Variants in IQGAP1 observed in about 807,000 individuals in gnomAD.
IQGAP1 encodes the protein ras GTPase-activating-like protein IQGAP1.
IQGAP1 carries 66 observed loss-of-function variants against 215.6 expected under a neutral mutation model. The ratio of observed to expected loss-of-function variants is 0.31; its 90% CI spans 0.25 to 0.38. The LOEUF (loss-of-function observed/expected upper bound fraction) is 0.38, where lower values mean the gene tolerates loss of function less well. Ranked by LOEUF, IQGAP1 falls within the 10% of genes least tolerant of loss-of-function variation. The pLI is 1.00. For missense variants in IQGAP1, 1,712 were observed against 1,997.1 expected (o/e 0.86, Z 2.72); for synonymous variants, 772 against 728.7 (o/e 1.06, Z -0.96).
At chr15:90,488,501 C>A (rs1003581295) in intron 33 of IQGAP1, among the ~76,000 whole-genome samples, 2 of 151,824 alleles carry the variant, frequency 1.3e-5, no homozygotes, top group Non-Finnish European at 1.5e-5. Context: ...AATTCTGTTA[C>A]ATGCCTTGGT....
intron 2 of IQGAP1, among the ~76,000 whole-genome samples, chr15:90,418,085 T>TA (rs777359276): frequency 6.6e-5 from 10 of 152,208 alleles, no homozygotes; most frequent in Non-Finnish European, 1.2e-4. Context: ...GCATAACTGT[T>TA]ACCAGAGAGT....
intron 3 of IQGAP1, among the ~76,000 whole-genome samples, chr15:90,428,587 C>G (rs1387433181): frequency 6.6e-6 from 1 of 151,914 alleles, no homozygotes; most frequent in African/African-American, 2.4e-5. Context: ...TGAGATCAGC[C>G]TGGGCAACAA....
intron 2 of IQGAP1, among the ~76,000 whole-genome samples, chr15:90,423,234 G>A (rs1052661757): frequency 2.0e-5 from 3 of 151,990 alleles, no homozygotes; most frequent in African/African-American, 7.3e-5. Context: ...AAGCAGTTTG[G>A]TCCTGATTTG....
intron 30 of IQGAP1, among the ~76,000 whole-genome samples, chr15:90,485,376 A>G (rs1377077677): frequency 6.6e-6 from 1 of 152,196 alleles, no homozygotes; most frequent in Non-Finnish European, 1.5e-5. Flanking sequence ...GCAGTAGGGT[A>G]CATTGATGAC....
In IQGAP1 at chr15:90,500,229, C is replaced by A. The variant is rs1966324622; in HGVS notation, c.*121C>A. On this transcript the variant is annotated 3_prime_UTR_variant, in exon 38 of 38. Transcript: ENST00000268182. Reference sequence around the variant, plus strand: ...CCAACAACAGCACCTCAATCTGATACACTCCCGATGCCACATTTTTAACTC... The same window carrying A: ...CCAACAACAGCACCTCAATCTGATAAACTCCCGATGCCACATTTTTAACTC... The A allele has an allele frequency of 2.6e-5, 16 of 626,574 alleles. 1 individual carries two copies. In the South Asian group the frequency reaches 2.6e-4, roughly 10 times the overall value. 38.8% of individuals were successfully genotyped at this position (626,574 alleles called of 1,614,324 possible). A position where few individuals can be genotyped will look rare whatever the true frequency, so the allele number is the denominator to read the frequency against.
In IQGAP1 at chr15:90,447,784, A is replaced by G. The variant is rs1196680142; in HGVS notation, c.914-789A>G. 1.3e-5 allele frequency among the ~76,000 whole-genome samples: 2 copies of G among 152,168 alleles called. 1 individual carries two copies. The highest frequency in any genetic ancestry group is 4.8e-5 in the African/African-American group (2 of 41,432). On this transcript the variant is annotated intron_variant, in intron 9 of 37. Coordinates refer to ENST00000268182, the MANE Select transcript of IQGAP1 (RefSeq NM_003870.4). ...TATGATTTTATTTAATCTTAAAAAT[A>G]TTCCTATGACGGAAGGTATCTTCAT... is the stretch of plus-strand genomic sequence containing the variant.
chr15:90,463,615 T>C (rs544687040), intron 15 of IQGAP1, among the ~76,000 whole-genome samples: 6 of 152,330 alleles, frequency 3.9e-5, no homozygotes, highest in African/African-American at 1.4e-4. Flanking sequence ...TTTTCAGTAA[T>C]AGAAAGCGAC....
At chr15:90,452,359 A>C (rs907177672) in intron 11 of IQGAP1, among the ~76,000 whole-genome samples, 1 of 152,238 alleles carries the variant, frequency 6.6e-6, no homozygotes, top group Non-Finnish European at 1.5e-5. Flanking sequence ...AATGGTGGTT[A>C]GAATACAAAT....
At chr15:90,493,896 C>T (rs944285390) in intron 35 of IQGAP1, 1 of 152,238 alleles carries the variant, frequency 6.6e-6, no homozygotes, top group Non-Finnish European at 1.5e-5. Flanking sequence ...ACTGTTTCTC[C>T]AAGCATGCCT....
chr15:90,439,413 T>C lies in IQGAP1; in HGVS notation c.535+14T>C. On this transcript the variant is annotated intron_variant, in intron 6 of 37. Transcript: ENST00000268182. Reference sequence around the variant, plus strand: ...TTGACTTCACAGGTAAGGAGTTAGATACTTGGCAGGAAATGCTTGAATTAT... The same window carrying C: ...TTGACTTCACAGGTAAGGAGTTAGACACTTGGCAGGAAATGCTTGAATTAT... The C allele has an allele frequency of 1.2e-6, 2 of 1,603,948 alleles. No homozygotes were observed. Among genetic ancestry groups the C allele is most frequent in the Non-Finnish European group, 1.7e-6 (2 of 1,171,568 alleles).
At chr15:90,486,857 ATTATC>A (rs2151037241) in intron 31 of IQGAP1, 92 bp from the exon 32 acceptor site, 1 of 1,226,796 alleles carries the variant, frequency 8.2e-7, no homozygotes, top group Admixed American at 2.1e-5. Flanking sequence ...TGATTCAAGT[ATTATC>A]TTAGACTTGC....
chr15:90,500,073 A>G lies in IQGAP1; in HGVS notation c.4939A>G (p.Ile1647Val), dbSNP rs772639310. The G allele has an allele frequency of 2.4e-5, 39 of 1,611,242 alleles. No homozygotes were observed. The highest frequency in any genetic ancestry group is 3.2e-5 in the Non-Finnish European group (38 of 1,177,348). Reference protein sequence around the residue: ...DRAKVNVNLLIFLLNKKFYGK With the variant: ...DRAKVNVNLLVFLLNKKFYGK ...AGCTAAAGTAAATGTCAACCTCCTG[A>G]TCTTCCTTCTCAACAAAAAGTTCTA... Residue 1647 changes from isoleucine (I) to valine (V), a missense_variant, in exon 38 of 38, where the codon ATC (isoleucine) becomes GTC (valine). Physicochemically the swap from Ile to Val is conservative, Grantham distance 29. Transcript: ENST00000268182.
At chr15:90,424,953 C>G (rs1236957902) in intron 2 of IQGAP1, among the ~76,000 whole-genome samples, 1 of 151,880 alleles carries the variant, frequency 6.6e-6, no homozygotes, top group Non-Finnish European at 1.5e-5. Flanking sequence ...GTATATTTTT[C>G]CAGGGGAAGG....
chr15:90,402,095 A>C (rs1964812965), intron 2 of IQGAP1, among the ~76,000 whole-genome samples: 2 of 152,200 alleles, frequency 1.3e-5, no homozygotes, highest in Non-Finnish European at 2.9e-5. Flanking sequence ...TTTTCAAGTC[A>C]GTGAGGGAAC....
chr15:90,450,175 C>T (rs997425730), intron 11 of IQGAP1, among the ~76,000 whole-genome samples: 4 of 152,070 alleles, frequency 2.6e-5, no homozygotes, highest in African/African-American at 4.8e-5. Flanking sequence ...CTGGGAACCA[C>T]CAGTCAACTC....
At chr15:90,455,685 C>T (rs1470597884) in intron 14 of IQGAP1, among the ~76,000 whole-genome samples, 1 of 152,242 alleles carries the variant, frequency 6.6e-6, no homozygotes, top group African/African-American at 2.4e-5. Context: ...TTGGATCTTT[C>T]TTCTGCCATT....
intron 2 of IQGAP1, among the ~76,000 whole-genome samples, chr15:90,399,915 A>AT (rs1964781500): frequency 1.3e-5 from 2 of 152,154 alleles, no homozygotes; most frequent in South Asian, 4.1e-4. Context: ...ACCATATTTC[A>AT]TTTTTTTGAG....
At chr15:90,469,134 T>G (rs1965871420) in intron 18 of IQGAP1, among the ~76,000 whole-genome samples, 1 of 152,232 alleles carries the variant, frequency 6.6e-6, no homozygotes, top group African/African-American at 2.4e-5. Context: ...AACTTGGTGC[T>G]GCACTCCTGT....
chr15:90,395,391 G>T (rs562207957), intron 2 of IQGAP1, among the ~76,000 whole-genome samples: 2 of 152,050 alleles, frequency 1.3e-5, no homozygotes, highest in East Asian at 3.9e-4. Flanking sequence ...CGCTATCTCG[G>T]CTCACTGCAA....
Sources: gnomAD v4.1 joint callset for allele counts (sites outside exome capture counted in the v4.1 genomes callset) on GRCh38, gnomAD v4.1.1 for gene constraint, MANE v1.5 for transcripts, NCBI Gene and HGNC (gene_info 2026-07-23, HGNC 2026-07-21) for gene names.